CSMD1: variants seen among roughly 807,000 people sequenced by gnomAD.
CSMD1 encodes the protein CUB and sushi domain-containing protein 1.
In CSMD1, 213 loss-of-function variants were observed where a neutral mutation model predicts 417.5. The observed-to-expected ratio is 0.51, with a 90% CI of 0.46 to 0.57. The LOEUF (loss-of-function observed/expected upper bound fraction) is 0.57. Ranked by LOEUF, CSMD1 falls within the 20% of genes least tolerant of loss-of-function variation. The pLI, the probability that CSMD1 is intolerant of heterozygous loss-of-function variation, is 0.00. For missense variants in CSMD1, 6,923 were observed against 4,529.7 expected, an observed-to-expected ratio of 1.53 and a Z score of -15.17; for synonymous variants, 2,862 against 1,736.8, an observed-to-expected ratio of 1.65 and a Z score of -16.11.
chr8:4,107,712 T>A (rs572252592), intron 3 of CSMD1, among the ~76,000 whole-genome samples: 4 of 152,048 alleles, frequency 2.6e-5, no homozygotes, highest in Admixed American at 6.6e-5. Context: ...GCGCACACGC[T>A]CCATCAGATG....
At chr8:4,595,454 A>G (rs1800219202) in intron 2 of CSMD1, among the ~76,000 whole-genome samples, 1 of 149,622 alleles carries the variant, frequency 6.7e-6, no homozygotes, top group African/African-American at 2.4e-5. Flanking sequence ...GCCTGGTAAG[A>G]CTGTTCTGGT....
At chr8:3,719,177 G>A (rs1802006175) in intron 6 of CSMD1, among the ~76,000 whole-genome samples, 1 of 152,052 alleles carries the variant, frequency 6.6e-6, no homozygotes, top group East Asian at 1.9e-4. Context: ...TAAAGTCTTT[G>A]CCACTATAAT....
At chr8:4,532,999 G>T (rs547133764) in intron 2 of CSMD1, among the ~76,000 whole-genome samples, 1 of 152,242 alleles carries the variant, frequency 6.6e-6, no homozygotes, top group East Asian at 1.9e-4. Flanking sequence ...AAGAAATCCT[G>T]CACCCCTACT....
intron 5 of CSMD1, among the ~76,000 whole-genome samples, chr8:3,959,039 C>A (rs989262665): frequency 6.6e-6 from 1 of 152,212 alleles, no homozygotes; most frequent in Non-Finnish European, 1.5e-5. Flanking sequence ...CCATGCTCCT[C>A]CATACTTCCT....
At chr8:3,832,329 C>G (rs903413969) in intron 5 of CSMD1, among the ~76,000 whole-genome samples, 1 of 152,130 alleles carries the variant, frequency 6.6e-6, no homozygotes, top group Admixed American at 6.6e-5. Flanking sequence ...GTTCCTTGTT[C>G]AAAATATATA....
At chr8:3,948,904 G>A (rs142141992) in intron 5 of CSMD1, among the ~76,000 whole-genome samples, 1 of 151,140 alleles carries the variant, frequency 6.6e-6, no homozygotes, top group Non-Finnish European at 1.5e-5. Flanking sequence ...TTTTTTTTCA[G>A]AACACTGACT....
intron 1 of CSMD1, among the ~76,000 whole-genome samples, chr8:4,823,167 T>C (rs1379133445): frequency 6.6e-6 from 1 of 152,062 alleles, no homozygotes; most frequent in Admixed American, 6.6e-5. Context: ...CAACTGCTGG[T>C]TCCTGTCAGA....
At chr8:4,498,310 T>C (rs555031039) in intron 2 of CSMD1, among the ~76,000 whole-genome samples, 61 of 152,330 alleles carry the variant, frequency 4.0e-4, no homozygotes, top group African/African-American at 1.4e-3. Flanking sequence ...ATTTCTATTT[T>C]ATTTAACTAT....
At chr8:4,075,395 C>G (rs1348694085) in intron 3 of CSMD1, among the ~76,000 whole-genome samples, 3 of 151,890 alleles carry the variant, frequency 2.0e-5, no homozygotes, top group Non-Finnish European at 4.4e-5. Context: ...AGAAAAAACT[C>G]AAATGTTATT....
intron 11 of CSMD1, among the ~76,000 whole-genome samples, chr8:3,487,560 C>T (rs1294424304): frequency 1.3e-5 from 2 of 152,154 alleles, no homozygotes; most frequent in Non-Finnish European, 2.9e-5. Flanking sequence ...TACATCTAGT[C>T]ACAAGGAGGG....
intron 1 of CSMD1, among the ~76,000 whole-genome samples, chr8:4,796,771 T>C (rs533765195): frequency 6.6e-6 from 1 of 152,306 alleles, no homozygotes; most frequent in South Asian, 2.1e-4. Flanking sequence ...TCAGTCCCCT[T>C]CCCCTTTTGC....
At chr8:4,423,302 T>C (rs1027298125) in intron 2 of CSMD1, among the ~76,000 whole-genome samples, 17 of 152,096 alleles carry the variant, frequency 1.1e-4, no homozygotes, top group African/African-American at 3.6e-4. Context: ...ATGATCTTTA[T>C]AGAAAATGCC....
At chr8:3,909,306 C>G (rs116297786) in intron 5 of CSMD1, among the ~76,000 whole-genome samples, 1,998 of 152,266 alleles carry the variant, frequency 0.013, 36 homozygotes, top group African/African-American at 0.045. Flanking sequence ...GTAACTTTTA[C>G]TTCTCCTAGG....
chr8:4,469,947 A>T (rs1378478279), intron 2 of CSMD1, among the ~76,000 whole-genome samples: 1 of 148,096 alleles, frequency 6.8e-6, no homozygotes, highest in Admixed American at 6.7e-5. Context: ...GGCTCACTGC[A>T]AGCTCCACCT....
chr8:3,860,243 G>A (rs145275136), intron 5 of CSMD1, among the ~76,000 whole-genome samples: 48 of 152,184 alleles, frequency 3.2e-4, no homozygotes, highest in African/African-American at 1.1e-3. Flanking sequence ...TGCCTACTCT[G>A]TTTCAGTCAG....
intron 17 of CSMD1, among the ~76,000 whole-genome samples, chr8:3,393,489 T>C (rs1316277300): frequency 2.0e-5 from 3 of 152,172 alleles, no homozygotes; most frequent in Admixed American, 2.0e-4. Flanking sequence ...AAAATGGCAT[T>C]TTTTTCATGT....
At chr8:4,839,121 G>T (rs1466703360) in intron 1 of CSMD1, among the ~76,000 whole-genome samples, 1 of 152,080 alleles carries the variant, frequency 6.6e-6, no homozygotes, top group African/African-American at 2.4e-5. Flanking sequence ...CAAACTCCAC[G>T]ACTTCTTCAA....
At chr8:3,864,432 T>C (rs1483378187) in intron 5 of CSMD1, among the ~76,000 whole-genome samples, 1 of 152,122 alleles carries the variant, frequency 6.6e-6, no homozygotes. Context: ...AAGAAAGGAA[T>C]ACAGTATGAG....
intron 5 of CSMD1, among the ~76,000 whole-genome samples, chr8:3,937,961 G>A (rs975700236): frequency 6.6e-6 from 1 of 152,006 alleles, no homozygotes; most frequent in African/African-American, 2.4e-5. Flanking sequence ...AACTTACGGT[G>A]ACCATATTAA....
Sources: allele counts gnomAD v4.1 joint callset (sites outside exome capture counted in the v4.1 genomes callset), GRCh38; gene constraint gnomAD v4.1.1; transcripts MANE v1.5; gene names NCBI Gene and HGNC (gene_info 2026-07-23, HGNC 2026-07-21).